The following LUZP4 variants were observed in gnomAD, a reference collection of about 807,000 sequenced individuals.
LUZP4 encodes the protein HOM-TES-85 tumor antigen.
A neutral mutation model predicts 8.5 loss-of-function variants in LUZP4; 11 were observed. The ratio of observed to expected loss-of-function variants is 1.30; its 90% CI spans 0.82 to 2.14. The LOEUF (loss-of-function observed/expected upper bound fraction) is 2.14. Among genes scored for constraint, LUZP4 ranks in the 30% most tolerant of loss-of-function variants. The probability of loss-of-function intolerance (pLI) is 0.00; values close to 1 mark genes in which losing one functional copy is unlikely to be tolerated. For synonymous variants in LUZP4, 104 were observed against 79.4 expected, an observed-to-expected ratio of 1.31 and a Z score of -1.65; for missense variants, 276 against 229.7, an observed-to-expected ratio of 1.20 and a Z score of -1.30.
Position 115,306,066 on chromosome X carries a change from T to C in LUZP4, c.343-139T>C. Reference sequence around the variant, plus strand: ...TATTCTGTAAGTTAGTTCTAAAAACTGGTTGATAAATAAAAGTAAGCACAG... The same window carrying C: ...TATTCTGTAAGTTAGTTCTAAAAACCGGTTGATAAATAAAAGTAAGCACAG... On this transcript the variant is annotated intron_variant, in intron 3 of 3. Coordinates refer to ENST00000371920, the MANE Select transcript of LUZP4 (RefSeq NM_016383.5). 6.5e-6 allele frequency: 4 copies of C among 616,107 alleles called. No individual in the cohort carries two copies. In the South Asian group the frequency reaches 1.0e-4, roughly 16 times the overall value. 50.8% of individuals were successfully genotyped at this position (616,107 alleles called of 1,213,427 possible).
At chrX:115,290,275 C>G (rs1235145255) in intron 1 of LUZP4, among the ~76,000 whole-genome samples, 2 of 111,760 alleles carry the variant, frequency 1.8e-5, no homozygotes, top group African/African-American at 6.5e-5. Flanking sequence ...TCACTAGATT[C>G]CAGGGCCCGG....
rs2073399904 is a variant in LUZP4, at chrX:115,302,049, A to G, written c.149A>G (p.Lys50Arg). ...EGTNAEEEKN[K>R]RQNHSKKESP... is the part of the protein sequence containing the mutation. Reference sequence around the variant, plus strand: ...ACAAATGCTGAAGAAGAAAAGAATAAAAGACAGAACCATAGTAAAAAGGAA... The same window carrying G: ...ACAAATGCTGAAGAAGAAAAGAATAGAAGACAGAACCATAGTAAAAAGGAA... Residue 50 changes from lysine to arginine, a missense_variant, in exon 2 of 4, where the codon AAA becomes AGA. Transcript: ENST00000371920. 8.4e-7 allele frequency: 1 copy of G among 1,192,428 alleles called. No individual in the cohort carries two copies. Among genetic ancestry groups the G allele is most frequent in the East Asian group, 3.0e-5 (1 of 33,354 alleles).
chrX:115,303,299 G>C lies in LUZP4; in HGVS notation c.224-1G>C, dbSNP rs1343498082. The C allele has an allele frequency of 1.9e-6, 2 of 1,047,683 alleles. No homozygotes were observed. Among genetic ancestry groups the C allele is most frequent in the Non-Finnish European group, 2.6e-6 (2 of 763,009 alleles). 86.3% of individuals were successfully genotyped at this position (1,047,683 alleles called of 1,213,427 possible). A position where few individuals can be genotyped will look rare whatever the true frequency, so the allele number is the denominator to read the frequency against. On this transcript the variant is annotated splice_acceptor_variant, in intron 2 of 3. Transcript: ENST00000371920. LOFTEE classifies it high-confidence loss of function. Reference sequence around the variant, plus strand: ...ATACAGAAAATATTTATTTTTCAAAGGCTACTCAAGATGCAGAAGCAACTC... The same window carrying C: ...ATACAGAAAATATTTATTTTTCAAACGCTACTCAAGATGCAGAAGCAACTC...
intron 3 of LUZP4, among the ~76,000 whole-genome samples, chrX:115,304,740 CCTT>C (rs1383469476): frequency 1.6e-4 from 17 of 108,650 alleles, no homozygotes; most frequent in African/African-American, 5.7e-4. Context: ...GGGAAAGTAT[CCTT>C]CTATTATTCA....
At position 115,306,314 on chromosome X, in the gene LUZP4, G is replaced by A. The variant is rs2073419983; in HGVS notation, c.452G>A (p.Gly151Asp). 1 of 1,209,260 alleles carries A rather than the reference G, an allele frequency of 8.3e-7. No individual in the cohort carries two copies. Among genetic ancestry groups the A allele is most frequent in the Admixed American group, 2.2e-5 (1 of 45,562 alleles). The change falls in exon 4 of 4, where the codon GGC (glycine) becomes GAC (aspartate). Residue 151 changes from glycine (G) to aspartate (D), a missense_variant. Physicochemically the swap from Gly to Asp is moderately conservative, Grantham distance 94. Transcript: ENST00000371920. ...GNPDKSEESQ[G>D]QPEENHHSER... ...CCGGACAAATCAGAAGAATCCCAGGGCCAACCAGAAGAAAATCATCATTCT... is the reference window on the plus strand; with the variant it reads ...CCGGACAAATCAGAAGAATCCCAGGACCAACCAGAAGAAAATCATCATTCT...
intron 1 of LUZP4, among the ~76,000 whole-genome samples, chrX:115,297,215 C>G (rs1378505663): frequency 4.5e-5 from 5 of 111,577 alleles, no homozygotes; most frequent in Admixed American, 9.5e-5. Context: ...TATTGTACTA[C>G]CTATGTATTG....
rs782333271 is a variant in LUZP4, at chrX:115,289,817, C to T, written c.58C>T (p.Arg20Trp). ...SEKVPPNHPS[R>W]KKVNFLDMSL... ...AAAAGTGCCGCCAAATCATCCCAGT[C>T]GGAAAAAGGTTAACTTCCTAGATAT... is the stretch of plus-strand genomic sequence containing the variant. Residue 20 changes from arginine to tryptophan, a missense_variant, in exon 1 of 4, where the codon CGG (arginine) becomes TGG (tryptophan). Arg to Trp is a moderately radical substitution (Grantham distance 101). Transcript: ENST00000371920. 1 of 1,207,601 alleles carries T rather than the reference C, an allele frequency of 8.3e-7. No homozygotes were observed. The highest frequency in any genetic ancestry group is 1.1e-6 in the Non-Finnish European group (1 of 892,413).
At position 115,301,633 on chromosome X, in the gene LUZP4, C is replaced by T. The variant is rs1039050129; in HGVS notation, c.92-359C>T. On this transcript the variant is annotated intron_variant, in intron 1 of 3. Transcript: ENST00000371920. ...AATTGCTGATTTACATTTATTTAGT[C>T]AGCAACTTAATGACTCTCTTGCTCT... Among the ~76,000 whole-genome samples the T allele has an allele frequency of 1.2e-4, 13 of 112,107 alleles. No individual in the cohort carries two copies. The Admixed American group carries it at 1.2e-3, about 11-fold the overall frequency.
chrX:115,293,673 G>A (rs1556597872), intron 1 of LUZP4, among the ~76,000 whole-genome samples: 1 of 110,778 alleles, frequency 9.0e-6, no homozygotes, highest in South Asian at 3.9e-4. Flanking sequence ...ACTGTGAGGC[G>A]GGCGTGGTGG....
Position 115,306,956 on chromosome X carries a change from A to G in LUZP4, c.*152A>G, listed in dbSNP as rs1357470818. 1.8e-6 allele frequency: 1 copy of G among 540,997 alleles called. No individual in the cohort carries two copies. The highest frequency in any genetic ancestry group is 3.5e-5 in the East Asian group (1 of 28,509). The allele number at this position is 540,997 out of a possible 1,213,427, so 44.6% of individuals were successfully genotyped here. On this transcript the variant is annotated 3_prime_UTR_variant, in exon 4 of 4. Coordinates refer to ENST00000371920, the MANE Select transcript of LUZP4 (RefSeq NM_016383.5). ...ACATACATAGTATCAATATTGTTTCAACTTGATGTCCTCTAAGCTATCATC... is the reference window on the plus strand; with the variant it reads ...ACATACATAGTATCAATATTGTTTCGACTTGATGTCCTCTAAGCTATCATC...
At chrX:115,298,917 T>A (rs1556600266) in intron 1 of LUZP4, among the ~76,000 whole-genome samples, 1 of 111,507 alleles carries the variant, frequency 9.0e-6, no homozygotes, top group Admixed American at 9.6e-5. Context: ...CTTCACTGTC[T>A]GGGCTTCTTT....
At chrX:115,290,610 G>A (rs181694524) in intron 1 of LUZP4, among the ~76,000 whole-genome samples, 17 of 111,621 alleles carry the variant, frequency 1.5e-4, no homozygotes, top group Non-Finnish European at 2.1e-4. Flanking sequence ...ATCCATCTTA[G>A]AAATGGGGGA....
At position 115,302,048 on chromosome X, in the gene LUZP4, A is replaced by G. The variant is rs782548699; in HGVS notation, c.148A>G (p.Lys50Glu). 1.5e-5 allele frequency: 18 copies of G among 1,188,187 alleles called. No homozygotes were observed. The highest frequency in any genetic ancestry group is 6.8e-5 in the Admixed American group (3 of 44,390). Residue 50 changes from lysine (K) to glutamate (E), a missense_variant, in exon 2 of 4, where the codon AAA becomes GAA. By Grantham distance (56) the Lys-to-Glu change is moderately conservative. Transcript: ENST00000371920. The stretch of plus-strand genomic sequence containing the variant: ...GACAAATGCTGAAGAAGAAAAGAAT[A>G]AAAGACAGAACCATAGTAAAAAGGA... ...EGTNAEEEKN[K>E]RQNHSKKESP...
intron 1 of LUZP4, among the ~76,000 whole-genome samples, chrX:115,300,824 G>T (rs1317633399): frequency 9.0e-6 from 1 of 111,493 alleles, no homozygotes; most frequent in Non-Finnish European, 1.9e-5. Context: ...GGCGATTCAG[G>T]ACTGTTTTTT....
intron 3 of LUZP4, among the ~76,000 whole-genome samples, chrX:115,304,538 G>T (rs189037634): frequency 9.0e-6 from 1 of 111,065 alleles, no homozygotes; most frequent in African/African-American, 3.3e-5. Flanking sequence ...TTGAGACAGG[G>T]TCTCATTCTG....
chrX:115,304,841 A>G (rs1556603151), intron 3 of LUZP4, among the ~76,000 whole-genome samples: 1 of 111,799 alleles, frequency 8.9e-6, no homozygotes, highest in Non-Finnish European at 1.9e-5. Flanking sequence ...AAATTTAAGC[A>G]TAATTATTTC....
At chrX:115,295,115 G>C (rs1347796827) in intron 1 of LUZP4, among the ~76,000 whole-genome samples, 1 of 110,943 alleles carries the variant, frequency 9.0e-6, no homozygotes, top group African/African-American at 3.3e-5. Context: ...GGTCTCTGTC[G>C]CTGAGGCTGG....
chrX:115,306,346 T>C lies in LUZP4; in HGVS notation c.484T>C (p.Ser162Pro). Residue 162 changes from serine to proline, a missense_variant, in exon 4 of 4, where the codon TCC (serine) becomes CCC (proline). Physicochemically the swap from Ser to Pro is moderately conservative, Grantham distance 74. Coordinates refer to ENST00000371920, the MANE Select transcript of LUZP4 (RefSeq NM_016383.5). ...QPEENHHSERSRNHLERSLSQ... is the reference protein window; with the variant it reads ...QPEENHHSERPRNHLERSLSQ... ...AGAAGAAAATCATCATTCTGAGCGA[T>C]CCCGAAACCACTTAGAGAGATCTCT... 8.3e-7 allele frequency: 1 copy of C among 1,211,180 alleles called. No individual in the cohort carries two copies. The highest frequency in any genetic ancestry group is 1.1e-6 in the Non-Finnish European group (1 of 895,405).
intron 1 of LUZP4, among the ~76,000 whole-genome samples, chrX:115,294,206 G>T (rs1163932854): frequency 9.0e-6 from 1 of 111,618 alleles, no homozygotes; most frequent in East Asian, 2.8e-4. Context: ...TTTTGCAACT[G>T]CTAACAGAAA....
Sources: gnomAD v4.1 joint callset for allele counts (sites outside exome capture counted in the v4.1 genomes callset) on GRCh38, gnomAD v4.1.1 for gene constraint, MANE v1.5 for transcripts, NCBI Gene and HGNC (gene_info 2026-07-23, HGNC 2026-07-21) for gene names.